DOCK1: variants seen among roughly 807,000 people sequenced by gnomAD.
DOCK1 encodes the protein dedicator of cytokinesis protein 1.
Under a neutral mutation model 262.7 loss-of-function variants are expected in DOCK1, and 138 were observed. That is an observed-to-expected ratio of 0.53 (90% CI 0.46 to 0.61). The LOEUF (loss-of-function observed/expected upper bound fraction) is 0.61, where lower values mean the gene tolerates loss of function less well. Among genes scored for constraint, DOCK1 ranks in the 20% least tolerant of loss-of-function variants. DOCK1 has a pLI of 0.00. For synonymous variants in DOCK1, 866 were observed against 867.4 expected, an observed-to-expected ratio of 1.00 and a Z score of 0.03; for missense variants, 1,908 against 2,370.7, an observed-to-expected ratio of 0.80 and a Z score of 4.05.
In DOCK1 at chr10:127,409,253, G is replaced by T. The variant is rs1173232750; in HGVS notation, c.4265-60G>T. ...CATTTGGGTGGTTGGGTGTGGTGGG[G>T]GGCCTCTCTCATGGTTGATGTCTAT... is the stretch of plus-strand genomic sequence containing the variant. On this transcript the variant is annotated intron_variant, in intron 41 of 51. Coordinates refer to ENST00000623213, the MANE Select transcript of DOCK1 (RefSeq NM_001290223.2). 4.3e-6 allele frequency: 7 copies of T among 1,611,998 alleles called. No individual in the cohort carries two copies. In the South Asian group the frequency reaches 7.7e-5, roughly 18 times the overall value.
chr10:127,264,656 C>T (rs913544313), intron 29 of DOCK1, among the ~76,000 whole-genome samples: 5 of 151,908 alleles, frequency 3.3e-5, no homozygotes, highest in Admixed American at 6.6e-5. Context: ...TGGCAGTTTA[C>T]AATGTAGATT....
At chr10:127,244,086 A>G (rs911115359) in intron 27 of DOCK1, among the ~76,000 whole-genome samples, 11 of 152,198 alleles carry the variant, frequency 7.2e-5, no homozygotes, top group Admixed American at 3.9e-4. Context: ...ATCATAACAC[A>G]AGTTATGATT....
chr10:127,294,311 G>A (rs2061435484), intron 29 of DOCK1, among the ~76,000 whole-genome samples: 1 of 151,548 alleles, frequency 6.6e-6, no homozygotes, highest in Non-Finnish European at 1.5e-5. Context: ...TTTTTGTTTT[G>A]TTTTGTTTTG....
chr10:127,288,395 G>A (rs1054372096), intron 29 of DOCK1, among the ~76,000 whole-genome samples: 10 of 152,084 alleles, frequency 6.6e-5, no homozygotes, highest in Non-Finnish European at 1.2e-4. Flanking sequence ...ATCATAATCT[G>A]GACAACGAGG....
At chr10:127,222,119 T>G (rs2058459113) in intron 27 of DOCK1, among the ~76,000 whole-genome samples, 1 of 152,230 alleles carries the variant, frequency 6.6e-6, no homozygotes, top group African/African-American at 2.4e-5. Context: ...TCATTGCTTT[T>G]TGTCCCTGTA....
chr10:127,434,671 T>A (rs2069545092), intron 48 of DOCK1, among the ~76,000 whole-genome samples: 1 of 151,586 alleles, frequency 6.6e-6, no homozygotes, highest in African/African-American at 2.4e-5. Flanking sequence ...TTTTTTTTTT[T>A]GAGACGGAGT....
intron 29 of DOCK1, among the ~76,000 whole-genome samples, chr10:127,260,886 TACCC>T (rs1204536160): frequency 7.1e-6 from 1 of 139,950 alleles, no homozygotes; most frequent in Non-Finnish European, 1.5e-5. Context: ...TGTGTGTGTG[TACCC>T]GTGCTCATCT....
At position 127,409,107 on chromosome 10, in the gene DOCK1, A is replaced by AGTT. The variant is rs2067693899; in HGVS notation, c.4194_4196dup (p.Gln1398_Phe1399insLeu). On this transcript the variant is annotated inframe_insertion, in exon 41 of 52. Coordinates refer to ENST00000623213, the MANE Select transcript of DOCK1 (RefSeq NM_001290223.2). ...GATTTTGAGGCTCGGCTCTTAACTC[A>AGTT]GTTTCCAAACGCCGAGAAAATGAAG... The AGTT allele has an allele frequency of 6.2e-7, 1 of 1,608,442 alleles. No individual in the cohort carries two copies. Among genetic ancestry groups the AGTT allele is most frequent in the East Asian group, 2.2e-5 (1 of 44,748 alleles).
In DOCK1 at chr10:127,446,020, G is replaced by T. The variant is rs1436445794; in HGVS notation, c.5414-1374G>T. Among the ~76,000 whole-genome samples the T allele has an allele frequency of 6.6e-6, 1 of 152,222 alleles. No individual in the cohort carries two copies. Among genetic ancestry groups the T allele is most frequent in the Non-Finnish European group, 1.5e-5 (1 of 68,042 alleles). ...CATCCCAGCACTTTGGGAGTTCGAGGTGGGTGGATCAGCTGAGGTCAGGAG... is the reference window on the plus strand; with the variant it reads ...CATCCCAGCACTTTGGGAGTTCGAGTTGGGTGGATCAGCTGAGGTCAGGAG... On this transcript the variant is annotated intron_variant, in intron 50 of 51. Transcript: ENST00000623213. The surrounding 1 kb of genome is among the most constrained non-coding windows in gnomAD (Gnocchi z 4.4).
At chr10:127,248,479 A>G (rs1164887858) in intron 28 of DOCK1, among the ~76,000 whole-genome samples, 1 of 152,228 alleles carries the variant, frequency 6.6e-6, no homozygotes, top group Non-Finnish European at 1.5e-5. Flanking sequence ...TAATAGCAGA[A>G]GCCAGAGTGA....
At chr10:127,252,526 T>C (rs11016962) in intron 28 of DOCK1, among the ~76,000 whole-genome samples, 36,404 of 131,182 alleles carry the variant, frequency 0.28, 5,617 homozygotes, top group South Asian at 0.47. Flanking sequence ...TTAGGTCTAA[T>C]GTTTAAGTCT....
chr10:127,388,598 C>A (rs2066273383), intron 38 of DOCK1, among the ~76,000 whole-genome samples: 1 of 152,238 alleles, frequency 6.6e-6, no homozygotes, highest in Non-Finnish European at 1.5e-5. Flanking sequence ...CTCCATGGCT[C>A]CAAACAGCAC....
At chr10:127,015,263 G>A (rs928994744) in intron 12 of DOCK1, 2 of 151,970 alleles carry the variant, frequency 1.3e-5, no homozygotes, top group Non-Finnish European at 2.9e-5. Context: ...ATCTGTCTCT[G>A]TCTATGTGGC....
intron 24 of DOCK1, among the ~76,000 whole-genome samples, chr10:127,109,565 C>A (rs948094785): frequency 6.6e-6 from 1 of 152,082 alleles, no homozygotes; most frequent in Non-Finnish European, 1.5e-5. Context: ...CAGGTAACCC[C>A]GAATCTCTTT....
chr10:127,125,895 T>A (rs929184133), intron 26 of DOCK1, among the ~76,000 whole-genome samples: 12 of 152,176 alleles, frequency 7.9e-5, no homozygotes, highest in Non-Finnish European at 1.8e-4. Context: ...GCTTTGATGC[T>A]TAAAGTTGGC....
chr10:127,029,779 C>G (rs925945080), intron 16 of DOCK1, among the ~76,000 whole-genome samples: 3 of 152,160 alleles, frequency 2.0e-5, no homozygotes, highest in Non-Finnish European at 4.4e-5. Context: ...GTACTACTTA[C>G]TGGTAGGGTC....
intron 25 of DOCK1, among the ~76,000 whole-genome samples, chr10:127,111,781 G>A (rs1003493195): frequency 3.3e-5 from 5 of 152,134 alleles, no homozygotes; most frequent in African/African-American, 9.7e-5. Context: ...CAGCACTACC[G>A]TCATCAGTAT....
chr10:127,298,683 A>G (rs1414397924), intron 29 of DOCK1, among the ~76,000 whole-genome samples: 1 of 152,244 alleles, frequency 6.6e-6, no homozygotes, highest in Non-Finnish European at 1.5e-5. Context: ...ACACATAAAA[A>G]TTGTTAGCAG....
chr10:127,032,401 G>C, intron 18 of DOCK1, 81 bp downstream of exon 18: 1 of 1,415,152 alleles, frequency 7.1e-7, no homozygotes, highest in African/African-American at 1.5e-5. Flanking sequence ...CTATGTGGAG[G>C]TGTGCTCCGT....
Sources: allele counts gnomAD v4.1 joint callset (sites outside exome capture counted in the v4.1 genomes callset), GRCh38; gene constraint gnomAD v4.1.1; non-coding constraint Gnocchi (gnomAD v3.1); transcripts MANE v1.5; gene names NCBI Gene and HGNC (gene_info 2026-07-23, HGNC 2026-07-21).